CCDC6: variants seen among roughly 807,000 people sequenced by gnomAD.
CCDC6 encodes the protein coiled-coil domain-containing protein 6.
Under a neutral mutation model 56.6 loss-of-function variants are expected in CCDC6, and 20 were observed. The observed-to-expected ratio is 0.35, with a 90% CI of 0.25 to 0.51. The LOEUF is 0.51. Among genes scored for constraint, CCDC6 ranks in the 20% least tolerant of loss-of-function variants. CCDC6 has a pLI of 0.95. For synonymous variants in CCDC6, 241 were observed against 234.4 expected (o/e 1.03, Z -0.26); for missense variants, 367 against 601.1 (o/e 0.61, Z 4.07).
In CCDC6 at chr10:59,789,450, A is replaced by G. The variant is rs940676712; in HGVS notation, c.*3467T>C. ...TTTTAATCAAAAAATTAAAGAAGAA[A>G]AAAAAACCCTAAAAAACAAAGAAAA... On this transcript the variant is annotated 3_prime_UTR_variant, in exon 9 of 9. Coordinates refer to ENST00000263102, the MANE Select transcript of CCDC6 (RefSeq NM_005436.5). 4.3e-6 allele frequency: 1 copy of G among 232,294 alleles called. No homozygotes were observed. Among genetic ancestry groups the G allele is most frequent in the South Asian group, 1.8e-4 (1 of 5,528 alleles). 14.4% of individuals were successfully genotyped at this position (232,294 alleles called of 1,614,324 possible). A position where few individuals can be genotyped will look rare whatever the true frequency, so the allele number is the denominator to read the frequency against.
At chr10:59,852,821 A>G in intron 1 of CCDC6, 119 bp from the exon 2 acceptor site, 1 of 748,730 alleles carries the variant, frequency 1.3e-6, no homozygotes, top group African/African-American at 1.8e-5. Flanking sequence ...ATAGAGCTCT[A>G]TTTTTAGCTG....
At chr10:59,882,474 A>G (rs111742628) in intron 1 of CCDC6, among the ~76,000 whole-genome samples, 281 of 926 alleles carry the variant, frequency 0.3, 48 homozygotes, top group East Asian at 0.5. Context: ...AAGGAAAGCC[A>G]GGGGGAGAAG....
At chr10:59,900,096 C>T (rs977227456) in intron 1 of CCDC6, among the ~76,000 whole-genome samples, 4 of 152,128 alleles carry the variant, frequency 2.6e-5, no homozygotes, top group Non-Finnish European at 4.4e-5. Flanking sequence ...GGGTGTTTCT[C>T]ACATGCCAAG....
chr10:59,836,791 G>T (rs2070887083), intron 2 of CCDC6, among the ~76,000 whole-genome samples: 1 of 152,104 alleles, frequency 6.6e-6, no homozygotes, highest in African/African-American at 2.4e-5. Flanking sequence ...ACATAACAAT[G>T]ATCCCTCAGC....
At chr10:59,832,307 G>A (rs2070841473) in intron 3 of CCDC6, among the ~76,000 whole-genome samples, 1 of 152,176 alleles carries the variant, frequency 6.6e-6, no homozygotes, top group East Asian at 1.9e-4. Flanking sequence ...CTTATCTCCT[G>A]AAACTTTATT....
rs141998032 is a variant in CCDC6, at chr10:59,851,554, A to G, written c.453+999T>C. On this transcript the variant is annotated intron_variant, in intron 2 of 8. Transcript: ENST00000263102. Reference sequence around the variant, plus strand: ...GCCTGGAACATGTTATGGTCTTAACATTAAAGTTGCTACATCAGAGTTTCC... The same window carrying G: ...GCCTGGAACATGTTATGGTCTTAACGTTAAAGTTGCTACATCAGAGTTTCC... 3.8e-4 allele frequency among the ~76,000 whole-genome samples: 58 copies of G among 152,330 alleles called. 1 individual carries two copies. The highest frequency in any genetic ancestry group is 1.4e-3 in the African/African-American group (57 of 41,594).
chr10:59,844,068 T>A (rs1162577875), intron 2 of CCDC6, among the ~76,000 whole-genome samples: 1 of 152,204 alleles, frequency 6.6e-6, no homozygotes, highest in East Asian at 1.9e-4. Context: ...TTCACCATCA[T>A]GTTAATTATT....
chr10:59,832,429 T>C, intron 3 of CCDC6, 96 bp downstream of exon 3: 1 of 1,221,786 alleles, frequency 8.2e-7, no homozygotes, highest in Non-Finnish European at 1.1e-6. Flanking sequence ...AGCTGAAAAC[T>C]ACTTTTCACT....
Position 59,814,772 on chromosome 10 carries a change from AGT to A in CCDC6, c.583-19_583-18del. ...CCGTCTCAACTAAAGGAAGGAAAAA[AGT>A]GTTACCAAAGTGTCAGGCCACTTAT... On this transcript the variant is annotated intron_variant, in intron 3 of 8. Coordinates refer to ENST00000263102, the MANE Select transcript of CCDC6 (RefSeq NM_005436.5). The A allele has an allele frequency of 6.6e-7, 1 of 1,521,092 alleles. No individual in the cohort carries two copies. The highest frequency in any genetic ancestry group is 2.2e-5 in the East Asian group (1 of 44,446). 94.2% of individuals were successfully genotyped at this position (1,521,092 alleles called of 1,614,324 possible).
chr10:59,870,575 C>T (rs2071219608), intron 1 of CCDC6, among the ~76,000 whole-genome samples: 1 of 54,292 alleles, frequency 1.8e-5, no homozygotes, highest in Non-Finnish European at 3.5e-5. Flanking sequence ...AAAGAGGACT[C>T]TCCTACAATC....
chr10:59,898,601 T>G (rs1282299633), intron 1 of CCDC6, among the ~76,000 whole-genome samples: 1 of 152,212 alleles, frequency 6.6e-6, no homozygotes, highest in East Asian at 1.9e-4. Context: ...CCCTCTGCTC[T>G]GTATTCCCTA....
chr10:59,872,134 T>C (rs1456231710), intron 1 of CCDC6, among the ~76,000 whole-genome samples: 1 of 152,252 alleles, frequency 6.6e-6, no homozygotes, highest in African/African-American at 2.4e-5. Context: ...ACTATCTCTA[T>C]GATTAAATGT....
intron 1 of CCDC6, among the ~76,000 whole-genome samples, chr10:59,872,572 T>C (rs1340604941): frequency 6.6e-6 from 1 of 152,220 alleles, no homozygotes; most frequent in Non-Finnish European, 1.5e-5. Context: ...ACTATAAGGC[T>C]GGCTTTGTGA....
rs890501014 is a variant in CCDC6 at position 59,906,493 on chromosome 10, A to C, written c.-69T>G. 21 of 1,326,904 alleles carry C rather than the reference A, an allele frequency of 1.6e-5. No individual in the cohort carries two copies. In the African/African-American group the frequency reaches 3.0e-4, roughly 19 times the overall value. The allele number at this position is 1,326,904 out of a possible 1,614,324, so 82.2% of individuals were successfully genotyped here. A position where few individuals can be genotyped will look rare whatever the true frequency, so the allele number is the denominator to read the frequency against. ...GGCGGCGACGAAGGCCGGGCTGCGA[A>C]TGAGTGGGCGCCGGGCGAGCACAGG... On this transcript the variant is annotated 5_prime_UTR_variant, in exon 1 of 9. Transcript: ENST00000263102.
At chr10:59,871,436 T>A (rs1413540301) in intron 1 of CCDC6, among the ~76,000 whole-genome samples, 1 of 126,858 alleles carries the variant, frequency 7.9e-6, no homozygotes. Flanking sequence ...AAGCTCAACA[T>A]CAAGATTTCA....
intron 1 of CCDC6, among the ~76,000 whole-genome samples, chr10:59,859,398 T>C (rs1256520544): frequency 1.3e-5 from 2 of 152,068 alleles, no homozygotes; most frequent in East Asian, 3.9e-4. Context: ...ATATTCAAAT[T>C]CTCAGAAACT....
In CCDC6 at chr10:59,906,175, A is replaced by G; in HGVS notation, c.250T>C (p.Cys84Arg). The change falls in exon 1 of 9, where the codon TGC becomes CGC. Residue 84 changes from cysteine (C) to arginine (R), a missense_variant. By Grantham distance (180) the Cys-to-Arg change is radical. This residue lies in a region of CCDC6 where 41 missense variants were observed against 90.8 expected (regional missense o/e 0.45). Coordinates refer to ENST00000263102, the MANE Select transcript of CCDC6 (RefSeq NM_005436.5). ...KIELETYKLK[C>R]KALQEENRDL... is the part of the protein sequence containing the mutation. ...CGGTTCTCCTCCTGCAGTGCCTTGC[A>G]CTTCAGTTTGTAGGTCTCCAGCTCT... 6.2e-7 allele frequency: 1 copy of G among 1,611,562 alleles called. No homozygotes were observed. The highest frequency in any genetic ancestry group is 8.5e-7 in the Non-Finnish European group (1 of 1,179,082).
rs1354840246 is a variant in CCDC6 at position 59,789,526 on chromosome 10, T to A, written c.*3391A>T. The A allele has an allele frequency of 9.4e-5, 22 of 233,000 alleles. No homozygotes were observed. Among genetic ancestry groups the A allele is most frequent in the Non-Finnish European group, 2.5e-5 (3 of 117,714 alleles). The allele number at this position is 233,000 out of a possible 1,614,324, so 14.4% of individuals were successfully genotyped here. On this transcript the variant is annotated 3_prime_UTR_variant, in exon 9 of 9. Coordinates refer to ENST00000263102, the MANE Select transcript of CCDC6 (RefSeq NM_005436.5). ...CTAGAAACCCCTTAATCTCTTACAA[T>A]GGCTCTTGAGCATGGAACTCATGTA...
intron 1 of CCDC6, among the ~76,000 whole-genome samples, chr10:59,864,986 C>T (rs777634243): frequency 4.6e-5 from 7 of 152,174 alleles, no homozygotes; most frequent in Non-Finnish European, 7.4e-5. Flanking sequence ...ACTTAATACG[C>T]GATCTTCAAG....
Sources: gnomAD v4.1 joint callset for allele counts (sites outside exome capture counted in the v4.1 genomes callset) on GRCh38, gnomAD v4.1.1 for gene constraint, gnomAD v4.1.1 regional missense constraint, MANE v1.5 for transcripts, NCBI Gene and HGNC (gene_info 2026-07-23, HGNC 2026-07-21) for gene names.